ANK1: variants seen among roughly 807,000 people sequenced by gnomAD.
The protein encoded by ANK1 is ankyrin 1, also known as ankyrin-1.
In ANK1, 51 loss-of-function variants were observed where a neutral mutation model predicts 210.4. The ratio of observed to expected loss-of-function variants is 0.24; its 90% confidence interval spans 0.19 to 0.31. ANK1 has a LOEUF of 0.31. ANK1 is among the 10% of genes least tolerant of loss of function. The probability of loss-of-function intolerance (pLI) is 1.00; values close to 1 mark genes in which losing one functional copy is unlikely to be tolerated. For synonymous variants in ANK1, 967 were observed against 1,025.9 expected, an observed-to-expected ratio of 0.94 and a Z score of 1.10; for missense variants, 2,051 against 2,504.4, an observed-to-expected ratio of 0.82 and a Z score of 3.86.
intron 1 of ANK1, among the ~76,000 whole-genome samples, chr8:41,830,226 A>C (rs1027097238): frequency 3.6e-4 from 55 of 151,160 alleles, no homozygotes; most frequent in Non-Finnish European, 6.2e-4. Context: ...CCAGGCTCCT[A>C]GACCCATCTC....
intron 1 of ANK1, among the ~76,000 whole-genome samples, chr8:41,787,146 G>C (rs1480797289): frequency 6.6e-6 from 1 of 152,238 alleles, no homozygotes; most frequent in Non-Finnish European, 1.5e-5. Context: ...TGGAGGGCAG[G>C]CCCTGGCCTG....
intron 1 of ANK1, among the ~76,000 whole-genome samples, chr8:41,884,170 T>C (rs1818055139): frequency 6.6e-6 from 1 of 152,074 alleles, no homozygotes; most frequent in African/African-American, 2.4e-5. Flanking sequence ...GGTAATATGG[T>C]GAAACCCTGT....
At chr8:41,763,881 C>CTTTTTTGTTTTTTTTT (rs1841052618) in intron 1 of ANK1, among the ~76,000 whole-genome samples, 2 of 72,142 alleles carry the variant, frequency 2.8e-5, no homozygotes, top group Non-Finnish European at 5.4e-5. Flanking sequence ...TTCTTTTTTT[C>CTTTTTTGTTTTTTTTT]TTTTTTTCTT....
intron 37 of ANK1, among the ~76,000 whole-genome samples, chr8:41,679,032 C>T (rs1418462120): frequency 6.6e-6 from 1 of 152,170 alleles, no homozygotes; most frequent in African/African-American, 2.4e-5. Flanking sequence ...GTGATCCGCC[C>T]ACCTCGGCCT....
intron 13 of ANK1, 87 bp from the exon 14 acceptor site, chr8:41,715,936 C>T (rs960765320): frequency 1.0e-4 from 153 of 1,507,436 alleles, no homozygotes; most frequent in Admixed American, 2.6e-4. Flanking sequence ...AGGCAGGGCC[C>T]AGAGAGGGCA....
At chr8:41,855,711 G>A (rs568269504) in intron 1 of ANK1, among the ~76,000 whole-genome samples, 16 of 152,306 alleles carry the variant, frequency 1.1e-4, no homozygotes, top group Admixed American at 6.5e-4. Flanking sequence ...ACTCTGCTGC[G>A]AGTGTGCTCT....
chr8:41,812,277 T>A (rs1318922250), intron 1 of ANK1, among the ~76,000 whole-genome samples: 2 of 152,148 alleles, frequency 1.3e-5, no homozygotes, highest in African/African-American at 4.8e-5. Context: ...ATAATACAGA[T>A]GAACAGGGAG....
intron 1 of ANK1, among the ~76,000 whole-genome samples, chr8:41,790,013 G>A (rs1847305137): frequency 6.6e-6 from 1 of 152,130 alleles, no homozygotes; most frequent in African/African-American, 2.4e-5. Flanking sequence ...TGAAGAGGGT[G>A]TTCAGAATCT....
chr8:41,760,504 C>T (rs925167707), intron 1 of ANK1, among the ~76,000 whole-genome samples: 3 of 152,240 alleles, frequency 2.0e-5, no homozygotes, highest in Admixed American at 6.5e-5. Flanking sequence ...TACCCAGTCT[C>T]GGGTACATCT....
In ANK1 at chr8:41,701,503, G is replaced by A. The variant is rs371656469; in HGVS notation, c.2461+47C>T. 20 of 1,590,000 alleles carry A rather than the reference G, an allele frequency of 1.3e-5. No homozygotes were observed. The East Asian group carries it at 1.3e-4, about 11-fold the overall frequency. ...CAGGAAGCCCCCTTGGAGGGTGCCC[G>A]GAGCCCCTCTGTCCCCACCAGCCTG... On this transcript the variant is annotated intron_variant, in intron 22 of 42. Coordinates refer to ENST00000289734, the MANE Select transcript of ANK1 (RefSeq NM_000037.4).
chr8:41,739,561 G>A (rs1420717162), intron 2 of ANK1, among the ~76,000 whole-genome samples: 3 of 115,032 alleles, frequency 2.6e-5, no homozygotes, highest in African/African-American at 9.2e-5. Flanking sequence ...ATTTTTAGTT[G>A]AGTGCCAGAC....
chr8:41,750,243 T>C (rs1331532781), intron 2 of ANK1, among the ~76,000 whole-genome samples: 1 of 152,212 alleles, frequency 6.6e-6, no homozygotes, highest in African/African-American at 2.4e-5. Context: ...CTAATGCACA[T>C]GTGGAACTTT....
chr8:41,841,334 C>T (rs760300555), intron 1 of ANK1, among the ~76,000 whole-genome samples: 16 of 152,164 alleles, frequency 1.1e-4, no homozygotes, highest in Non-Finnish European at 1.8e-4. Context: ...CTAAAATAGT[C>T]AAACCCATAA....
intron 32 of ANK1, 52 bp downstream of exon 32, chr8:41,690,422 C>A: frequency 6.2e-7 from 1 of 1,614,200 alleles, no homozygotes; most frequent in Non-Finnish European, 8.5e-7. Context: ...GGGAATTCTG[C>A]CTCCCCAACT....
At chr8:41,872,185 G>A (rs1438719146) in intron 1 of ANK1, among the ~76,000 whole-genome samples, 1 of 152,202 alleles carries the variant, frequency 6.6e-6, no homozygotes, top group Non-Finnish European at 1.5e-5. Context: ...ATCTTGTGCA[G>A]AGGAGAGGAG....
At chr8:41,827,452 A>T (rs917003280) in intron 1 of ANK1, among the ~76,000 whole-genome samples, 2 of 152,252 alleles carry the variant, frequency 1.3e-5, no homozygotes, top group African/African-American at 4.8e-5. Context: ...ATGAAGAAAT[A>T]ATGAGATGCA....
In ANK1 at chr8:41,730,540, G is replaced by T. The variant is rs961420725; in HGVS notation, c.229-2534C>A. On this transcript the variant is annotated intron_variant, in intron 3 of 42. Transcript: ENST00000289734. ...TTCCCATCTGTTGCCTCCTGAAGTT[G>T]TCTTTTTGATTTCTCCTCAAGTTCT... 4.0e-5 allele frequency among the ~76,000 whole-genome samples: 6 copies of T among 151,038 alleles called. No homozygotes were observed. The East Asian group carries it at 1.2e-3, about 29-fold the overall frequency.
chr8:41,882,597 G>A (rs981151148), intron 1 of ANK1, among the ~76,000 whole-genome samples: 3 of 152,266 alleles, frequency 2.0e-5, no homozygotes, highest in Admixed American at 1.3e-4. Flanking sequence ...TGAGAATCCC[G>A]AGTCCTTGGA....
intron 1 of ANK1, among the ~76,000 whole-genome samples, chr8:41,795,874 A>C (rs1024042765): frequency 3.9e-5 from 6 of 152,206 alleles, no homozygotes; most frequent in African/African-American, 1.2e-4. Context: ...AATAGCAACA[A>C]TACCGTGTAC....
Sources: gnomAD v4.1 joint callset for allele counts (sites outside exome capture counted in the v4.1 genomes callset) on GRCh38, gnomAD v4.1.1 for gene constraint, MANE v1.5 for transcripts, NCBI Gene and HGNC (gene_info 2026-07-23, HGNC 2026-07-21) for gene names.